Variants in MAP2K4 observed in about 807,000 individuals in gnomAD.
MAP2K4 encodes the protein mitogen-activated protein kinase kinase 4.
MAP2K4 carries 4 observed loss-of-function variants against 48.5 expected under a neutral mutation model. The ratio of observed to expected loss-of-function variants is 0.08; its 90% CI spans 0.04 to 0.19. The LOEUF (loss-of-function observed/expected upper bound fraction) is 0.19. Ranked by LOEUF, MAP2K4 falls within the 10% of genes least tolerant of loss-of-function variation. The probability of loss-of-function intolerance (pLI) is 1.00; values close to 1 mark genes in which losing one functional copy is unlikely to be tolerated. For missense variants in MAP2K4, 258 were observed against 493.3 expected, an observed-to-expected ratio of 0.52 and a Z score of 4.52; for synonymous variants, 166 against 173.1, an observed-to-expected ratio of 0.96 and a Z score of 0.32.
intron 1 of MAP2K4, among the ~76,000 whole-genome samples, chr17:12,022,000 AG>A (rs1969090108): frequency 6.6e-6 from 1 of 152,200 alleles, no homozygotes; most frequent in Non-Finnish European, 1.5e-5. Flanking sequence ...TTTTTAAAAC[AG>A]GGAATCTCAG....
chr17:12,089,693 G>A (rs1268043483), intron 3 of MAP2K4, among the ~76,000 whole-genome samples: 1 of 151,940 alleles, frequency 6.6e-6, no homozygotes, highest in Non-Finnish European at 1.5e-5. Flanking sequence ...CTGCCCTCTC[G>A]GACACTCAGC....
intron 2 of MAP2K4, among the ~76,000 whole-genome samples, chr17:12,068,364 C>T (rs1970680530): frequency 6.6e-6 from 1 of 152,052 alleles, no homozygotes; most frequent in Admixed American, 6.5e-5. Context: ...GCCGTGTGGA[C>T]TATGTACTGA....
At position 12,113,140 on chromosome 17, in the gene MAP2K4, G is replaced by A. The variant is rs539284542; in HGVS notation, c.686-93G>A. 39 of 1,175,620 alleles carry A rather than the reference G, an allele frequency of 3.3e-5. 1 individual carries two copies. In the South Asian group the frequency reaches 5.3e-4, roughly 16 times the overall value. The allele number at this position is 1,175,620 out of a possible 1,614,324, so 72.8% of individuals were successfully genotyped here. A position where few individuals can be genotyped will look rare whatever the true frequency, so the allele number is the denominator to read the frequency against. ...ATTTAAGGACTTGACCACTTATGTT[G>A]TCTAAGGTTTTTCAATATTTTTGCT... On this transcript the variant is annotated intron_variant, in intron 6 of 10. Transcript: ENST00000353533.
At chr17:12,032,267 C>A in intron 1 of MAP2K4, 1 of 1,417,736 alleles carries the variant, frequency 7.1e-7, no homozygotes, top group Non-Finnish European at 9.3e-7. Flanking sequence ...TTACTTTAGG[C>A]TTTCAGATAA....
At chr17:12,033,734 T>C (rs1348537129) in intron 1 of MAP2K4, among the ~76,000 whole-genome samples, 1 of 152,236 alleles carries the variant, frequency 6.6e-6, no homozygotes, top group South Asian at 2.1e-4. Flanking sequence ...AAATGTCTGC[T>C]TAATATTTAG....
intron 4 of MAP2K4, among the ~76,000 whole-genome samples, chr17:12,098,590 T>C (rs1971835970): frequency 6.6e-6 from 1 of 152,112 alleles, no homozygotes; most frequent in African/African-American, 2.4e-5. Flanking sequence ...TTGCAGTTGA[T>C]GACTTAAACA....
chr17:12,077,141 T>C (rs1971038315), intron 2 of MAP2K4, among the ~76,000 whole-genome samples: 2 of 152,330 alleles, frequency 1.3e-5, no homozygotes, highest in South Asian at 2.1e-4. Flanking sequence ...TAATGAACTA[T>C]AGAAATGACC....
chr17:12,043,703 G>T (rs760322999), intron 1 of MAP2K4, among the ~76,000 whole-genome samples: 1 of 152,044 alleles, frequency 6.6e-6, no homozygotes, highest in Non-Finnish European at 1.5e-5. Context: ...CCCTGTATAG[G>T]GCAAGGTATT....
chr17:12,127,333 G>C (rs189913104), intron 8 of MAP2K4, among the ~76,000 whole-genome samples: 2 of 152,306 alleles, frequency 1.3e-5, no homozygotes, highest in East Asian at 3.9e-4. Flanking sequence ...TGGTCCCAAA[G>C]ACTGCAGCAA....
intron 1 of MAP2K4, among the ~76,000 whole-genome samples, chr17:12,032,519 T>C (rs956577430): frequency 3.3e-5 from 5 of 152,112 alleles, no homozygotes; most frequent in African/African-American, 1.2e-4. Context: ...TGTATAGGTA[T>C]TTAGATGTAT....
chr17:12,110,340 A>G (rs767052067), intron 5 of MAP2K4, 35 bp from the exon 6 acceptor site: 84 of 1,486,366 alleles, frequency 5.7e-5, no homozygotes, highest in Non-Finnish European at 6.9e-5. Flanking sequence ...AAAAAGAAAC[A>G]AGTTGTTTAT....
intron 9 of MAP2K4, among the ~76,000 whole-genome samples, chr17:12,138,478 CATA>C (rs1197159651): frequency 1.9e-4 from 29 of 151,672 alleles, no homozygotes; most frequent in African/African-American, 7.0e-4. Context: ...AGTGGATCAT[CATA>C]AAGATCTTCA....
At chr17:12,074,095 G>A (rs988004461) in intron 2 of MAP2K4, among the ~76,000 whole-genome samples, 1 of 152,026 alleles carries the variant, frequency 6.6e-6, no homozygotes, top group Non-Finnish European at 1.5e-5. Context: ...TTTGTGTTTA[G>A]ACATTTGATT....
chr17:12,072,098 C>T (rs371874634), intron 2 of MAP2K4, among the ~76,000 whole-genome samples: 11 of 152,086 alleles, frequency 7.2e-5, no homozygotes, highest in Middle Eastern at 3.2e-3. Context: ...TTCTCACCTG[C>T]GCACTTTGAA....
At chr17:12,055,437 A>G (rs139840270) in intron 2 of MAP2K4, among the ~76,000 whole-genome samples, 8 of 152,188 alleles carry the variant, frequency 5.3e-5, no homozygotes, top group Non-Finnish European at 8.8e-5. Context: ...TTAACCTTCA[A>G]TTGAATTTAA....
In MAP2K4 at chr17:12,141,644, A is replaced by G. The variant is rs1973381001; in HGVS notation, c.*384A>G. On this transcript the variant is annotated 3_prime_UTR_variant, in exon 11 of 11. Coordinates refer to ENST00000353533, the MANE Select transcript of MAP2K4 (RefSeq NM_003010.4). ...AGACTTCCAAATCCTGGAAGGACACAGTGATGAATGTACTATGTCTGAACA... is the reference window on the plus strand; with the variant it reads ...AGACTTCCAAATCCTGGAAGGACACGGTGATGAATGTACTATGTCTGAACA... 1 of 294,806 alleles carries G rather than the reference A, an allele frequency of 3.4e-6. No homozygotes were observed. The highest frequency in any genetic ancestry group is 5.1e-5 in the East Asian group (1 of 19,700). 18.3% of individuals were successfully genotyped at this position (294,806 alleles called of 1,614,324 possible).
chr17:12,030,532 A>C (rs1369696542), intron 1 of MAP2K4, among the ~76,000 whole-genome samples: 1 of 152,190 alleles, frequency 6.6e-6, no homozygotes, highest in Non-Finnish European at 1.5e-5. Context: ...ATTTTTTAAC[A>C]CTTAAACTGG....
chr17:12,026,798 C>T (rs1255556656), intron 1 of MAP2K4: 1 of 152,206 alleles, frequency 6.6e-6, no homozygotes, highest in Non-Finnish European at 1.5e-5. Flanking sequence ...AACCAGCCAC[C>T]TTTTGAGATG....
intron 9 of MAP2K4, among the ~76,000 whole-genome samples, chr17:12,137,724 C>G (rs1342367930): frequency 3.9e-5 from 6 of 152,008 alleles, no homozygotes; most frequent in Non-Finnish European, 7.4e-5. Flanking sequence ...CATTTGAGAA[C>G]TGATTTAGTA....
Sources: gnomAD v4.1 joint callset for allele counts (sites outside exome capture counted in the v4.1 genomes callset) on GRCh38, gnomAD v4.1.1 for gene constraint, MANE v1.5 for transcripts, NCBI Gene and HGNC (gene_info 2026-07-23, HGNC 2026-07-21) for gene names.